Variants in CHN1 observed in about 807,000 individuals in gnomAD.
CHN1 encodes the protein N-chimaerin.
In CHN1, 37 loss-of-function variants were observed where a neutral mutation model predicts 59.5. The ratio of observed to expected loss-of-function variants is 0.62; its 90% confidence interval spans 0.48 to 0.82. The LOEUF (loss-of-function observed/expected upper bound fraction) is 0.82. Ranked by LOEUF, CHN1 falls within the 40% of genes least tolerant of loss-of-function variation. CHN1 has a pLI of 0.00. For missense variants in CHN1, 469 were observed against 571.0 expected (o/e 0.82, Z 1.82); for synonymous variants, 206 against 200.4 (o/e 1.03, Z -0.24).
chr2:174,838,493 C>T (rs1027381425), intron 7 of CHN1, among the ~76,000 whole-genome samples: 5 of 152,248 alleles, frequency 3.3e-5, no homozygotes, highest in African/African-American at 1.2e-4. Flanking sequence ...TTAAACAAGG[C>T]TTGAAACACA....
At chr2:174,951,021 C>T (rs977256945) in intron 2 of CHN1, among the ~76,000 whole-genome samples, 10 of 152,258 alleles carry the variant, frequency 6.6e-5, no homozygotes, top group Admixed American at 5.2e-4. Context: ...TCAGGCAATC[C>T]GCCTGCCTCT....
At chr2:174,860,622 C>A (rs1371483090) in intron 6 of CHN1, among the ~76,000 whole-genome samples, 1 of 152,066 alleles carries the variant, frequency 6.6e-6, no homozygotes, top group Non-Finnish European at 1.5e-5. Flanking sequence ...GGGTGGTATA[C>A]TATTTTACAA....
intron 1 of CHN1, among the ~76,000 whole-genome samples, chr2:174,956,897 A>G (rs1158325784): frequency 6.6e-6 from 1 of 152,196 alleles, no homozygotes; most frequent in African/African-American, 2.4e-5. Flanking sequence ...TACCTCGAAC[A>G]CTGAATTTAG....
intron 3 of CHN1, among the ~76,000 whole-genome samples, chr2:174,924,213 T>C (rs562874113): frequency 1.6e-3 from 251 of 152,332 alleles, no homozygotes; most frequent in African/African-American, 5.7e-3. Flanking sequence ...TATGTAAAGA[T>C]GTACTCTTCT....
intron 6 of CHN1, among the ~76,000 whole-genome samples, chr2:174,868,121 G>C (rs903343302): frequency 6.6e-6 from 1 of 151,944 alleles, no homozygotes; most frequent in South Asian, 2.1e-4. Flanking sequence ...TGAAGAGCTT[G>C]TATTTCTTTA....
chr2:174,904,705 A>T (rs1445203961), intron 5 of CHN1, among the ~76,000 whole-genome samples: 1 of 152,202 alleles, frequency 6.6e-6, no homozygotes, highest in Non-Finnish European at 1.5e-5. Context: ...GTTTTTAAAC[A>T]AGTTATATTT....
At chr2:174,907,458 G>A (rs1308973903) in intron 5 of CHN1, among the ~76,000 whole-genome samples, 1 of 152,090 alleles carries the variant, frequency 6.6e-6, no homozygotes, top group African/African-American at 2.4e-5. Context: ...TTGCCCCAGG[G>A]CTGACCAATC....
chr2:174,906,702 G>A (rs1688553991), intron 5 of CHN1, among the ~76,000 whole-genome samples: 1 of 152,160 alleles, frequency 6.6e-6, no homozygotes, highest in South Asian at 2.1e-4. Flanking sequence ...TAGAAACAGT[G>A]CTTGGTTGCC....
At chr2:174,864,683 C>T (rs1687163314) in intron 6 of CHN1, among the ~76,000 whole-genome samples, 1 of 152,034 alleles carries the variant, frequency 6.6e-6, no homozygotes, top group Admixed American at 6.6e-5. Flanking sequence ...CCAGCCTGGG[C>T]ACTATGGCAA....
At chr2:174,821,286 T>C (rs1056336028) in intron 8 of CHN1, among the ~76,000 whole-genome samples, 3 of 152,212 alleles carry the variant, frequency 2.0e-5, no homozygotes, top group Non-Finnish European at 4.4e-5. Flanking sequence ...CCTGCATTCC[T>C]TGGCTTCTGG....
chr2:174,918,055 T>C (rs1688899699), intron 4 of CHN1, among the ~76,000 whole-genome samples: 2 of 152,146 alleles, frequency 1.3e-5, no homozygotes, highest in Admixed American at 1.3e-4. Context: ...CTTCAGATAT[T>C]AATACTTCAA....
chr2:174,845,788 G>C lies in CHN1; in HGVS notation c.627+1092C>G, dbSNP rs960063352. Among the ~76,000 whole-genome samples, 221 of 116,144 alleles carry C rather than the reference G, an allele frequency of 1.9e-3. 2 individuals carry two copies. Among genetic ancestry groups the C allele is most frequent in the Non-Finnish European group, 3.2e-3 (184 of 57,410 alleles). The allele number at this position is 116,144 out of a possible 152,430, so 76.2% of individuals were successfully genotyped here. ...AAATGCAGAGCATATGGGTGGGGGG[G>C]GGGGTGTTGGTATTTAGTGTTTGAG... is the stretch of plus-strand genomic sequence containing the variant. On this transcript the variant is annotated intron_variant, in intron 7 of 12. Transcript: ENST00000409900.
At chr2:174,845,679 T>C (rs1686483161) in intron 7 of CHN1, among the ~76,000 whole-genome samples, 1 of 148,856 alleles carries the variant, frequency 6.7e-6, no homozygotes, top group Non-Finnish European at 1.5e-5. Context: ...AGCCCACATA[T>C]TTAAGAAACA....
At chr2:174,899,085 A>C (rs1429113328) in intron 5 of CHN1, among the ~76,000 whole-genome samples, 1 of 152,180 alleles carries the variant, frequency 6.6e-6, no homozygotes, top group South Asian at 2.1e-4. Context: ...CTAGACCCCC[A>C]CACAGCCTTG....
chr2:174,830,922 A>G (rs766358253), intron 7 of CHN1, among the ~76,000 whole-genome samples: 15 of 152,232 alleles, frequency 9.9e-5, no homozygotes, highest in Non-Finnish European at 8.8e-5. Context: ...TTGGTGACCT[A>G]ATTTTAAGAG....
intron 1 of CHN1, among the ~76,000 whole-genome samples, chr2:174,955,984 G>A (rs1690191368): frequency 1.3e-5 from 2 of 152,090 alleles, no homozygotes; most frequent in East Asian, 1.9e-4. Context: ...TCAGCATCAT[G>A]CAATATTCTC....
intron 1 of CHN1, among the ~76,000 whole-genome samples, chr2:174,985,126 A>C (rs1210591603): frequency 1.3e-5 from 2 of 152,138 alleles, no homozygotes; most frequent in African/African-American, 4.8e-5. Context: ...CCTAAACCTA[A>C]TTTGCTCTAG....
chr2:174,944,911 G>T lies in CHN1; in HGVS notation c.91C>A (p.Arg31=). 3 of 1,582,122 alleles carry T rather than the reference G, an allele frequency of 1.9e-6. No homozygotes were observed. In the South Asian group the frequency reaches 3.5e-5, roughly 18 times the overall value. ...YQLQQEAPHP[R]RITCTCEVEN... ...ACCTCGCAAGTACAGGTAATTCTTCGAGGATGAGGGGCTTCCTGTTGTAGC... is the reference window on the plus strand; with the variant it reads ...ACCTCGCAAGTACAGGTAATTCTTCTAGGATGAGGGGCTTCCTGTTGTAGC... Residue 31 remains arginine (R), a synonymous_variant, in exon 3 of 13, where the codon CGA becomes AGA. Coordinates refer to ENST00000409900, the MANE Select transcript of CHN1 (RefSeq NM_001822.7).
At chr2:174,933,959 G>A (rs1287258289) in intron 3 of CHN1, among the ~76,000 whole-genome samples, 2 of 152,122 alleles carry the variant, frequency 1.3e-5, no homozygotes, top group Non-Finnish European at 2.9e-5. Context: ...AGTAAAGTAG[G>A]ATACAAAATT....
Sources: allele counts gnomAD v4.1 joint callset (sites outside exome capture counted in the v4.1 genomes callset), GRCh38; gene constraint gnomAD v4.1.1; transcripts MANE v1.5; gene names NCBI Gene and HGNC (gene_info 2026-07-23, HGNC 2026-07-21).